The following EXOSC10 variants were observed in gnomAD, a reference collection of about 807,000 sequenced individuals.
The protein encoded by EXOSC10 is exosome component 10.
In EXOSC10, 94 loss-of-function variants were observed where a neutral mutation model predicts 126.6. The ratio of observed to expected loss-of-function variants is 0.74; its 90% CI spans 0.63 to 0.88. EXOSC10 has a LOEUF of 0.88. Ranked by LOEUF, EXOSC10 falls within the 40% of genes least tolerant of loss-of-function variation. The pLI, the probability that EXOSC10 is intolerant of heterozygous loss-of-function variation, is 0.00. For missense variants in EXOSC10, 1,041 were observed against 1,100.5 expected (o/e 0.95, Z 0.77); for synonymous variants, 395 against 400.8 (o/e 0.99, Z 0.17).
Position 11,081,072 on chromosome 1 carries a change from T to TGAGGTGTACCTTGAGGCA in EXOSC10, c.1429_1437+9dup. 1 of 1,613,966 alleles carries TGAGGTGTACCTTGAGGCA rather than the reference T, an allele frequency of 6.2e-7. No individual in the cohort carries two copies. The highest frequency in any genetic ancestry group is 8.5e-7 in the Non-Finnish European group (1 of 1,179,892). On this transcript the variant is annotated intron_variant, in intron 11 of 24. Coordinates refer to ENST00000376936, the MANE Select transcript of EXOSC10 (RefSeq NM_001001998.3). ...GTGTCGCGGTCTGTGTGACTGCGGC[T>TGAGGTGTACCTTGAGGCA]GAGGTGTACCTTGAGGCAGATGTCC...
At chr1:11,093,371 G>C (rs1156583322) in intron 3 of EXOSC10, among the ~76,000 whole-genome samples, 2 of 152,214 alleles carry the variant, frequency 1.3e-5, no homozygotes, top group East Asian at 3.8e-4. Flanking sequence ...AAGCAGACGT[G>C]AAATATCAGC....
chr1:11,091,717 G>T, intron 3 of EXOSC10, 120 bp from the exon 4 acceptor site: 1 of 719,776 alleles, frequency 1.4e-6, no homozygotes, highest in Non-Finnish European at 2.3e-6. Context: ...GGAGTGCAGT[G>T]GCGCAATCTT....
intron 6 of EXOSC10, among the ~76,000 whole-genome samples, chr1:11,089,656 A>G (rs1311442312): frequency 6.6e-6 from 1 of 151,628 alleles, no homozygotes; most frequent in Non-Finnish European, 1.5e-5. Context: ...AAAGAAAGAA[A>G]GAAAACATGG....
At chr1:11,095,709 G>T (rs374159799) in intron 3 of EXOSC10, 49 bp downstream of exon 3, 1 of 1,577,636 alleles carries the variant, frequency 6.3e-7, no homozygotes, top group Non-Finnish European at 8.7e-7. Context: ...GCGAGACTCC[G>T]TCTCAAAAAC....
chr1:11,096,429 G>C (rs957039185), intron 2 of EXOSC10, among the ~76,000 whole-genome samples: 5 of 151,534 alleles, frequency 3.3e-5, no homozygotes, highest in African/African-American at 1.2e-4. Flanking sequence ...GGGATTACAG[G>C]TGTGAGCCAT....
At chr1:11,092,054 T>G (rs145075913) in intron 3 of EXOSC10, among the ~76,000 whole-genome samples, 4 of 152,190 alleles carry the variant, frequency 2.6e-5, no homozygotes, top group South Asian at 4.1e-4. Context: ...TATACATATA[T>G]AAGAACAGAT....
In EXOSC10 at chr1:11,069,607, C is replaced by G; in HGVS notation, c.2440G>C (p.Glu814Gln). Residue 814 changes from glutamate (E) to glutamine (Q), a missense_variant, in exon 22 of 25, where the codon GAG becomes CAG. Glu to Gln is a conservative substitution (Grantham distance 29). Coordinates refer to ENST00000376936, the MANE Select transcript of EXOSC10 (RefSeq NM_001001998.3). ...KPKDPEPPEK[E>Q]FTPYDYSQSD... ...TGGCTGTAGTCGTAAGGCGTAAACT[C>G]TTTTTCTGGTGGCTCTGGGTCCTTT... 1 of 1,614,196 alleles carries G rather than the reference C, an allele frequency of 6.2e-7. No individual in the cohort carries two copies. Among genetic ancestry groups the G allele is most frequent in the Non-Finnish European group, 8.5e-7 (1 of 1,180,040 alleles).
Position 11,087,463 on chromosome 1 carries a change from G to A in EXOSC10, c.1074C>T (p.Asp358=), listed in dbSNP as rs1235858697. The stretch of plus-strand genomic sequence containing the variant: ...GCTGGCTGACCTTAACGATGGCTGG[G>A]TCTGTGAGGCTCTCATTGAGAATGT... The part of the protein sequence containing the change: ...DMYILNESLT[D]PAIVKVFHGA... The change falls in exon 9 of 25, where the codon GAC becomes GAT. Residue 358 remains aspartate (D), a synonymous_variant. Transcript: ENST00000376936. 1.2e-6 allele frequency: 2 copies of A among 1,614,094 alleles called. No homozygotes were observed. Among genetic ancestry groups the A allele is most frequent in the Non-Finnish European group, 1.7e-6 (2 of 1,180,012 alleles).
chr1:11,099,045 A>G (rs1203519297), intron 1 of EXOSC10, among the ~76,000 whole-genome samples: 1 of 152,240 alleles, frequency 6.6e-6, no homozygotes, highest in Non-Finnish European at 1.5e-5. Context: ...CTAACAGCAA[A>G]TTAGATAAGA....
intron 20 of EXOSC10, chr1:11,071,865 AC>A: frequency 2.2e-6 from 1 of 446,348 alleles, no homozygotes. Flanking sequence ...TTCTCCAACC[AC>A]CAACGAGACA....
At position 11,068,049 on chromosome 1, in the gene EXOSC10, C is replaced by A. The variant is rs761613966; in HGVS notation, c.2586G>T (p.Val862=). 80 of 1,614,050 alleles carry A rather than the reference C, an allele frequency of 5.0e-5. No individual in the cohort carries two copies. Among genetic ancestry groups the A allele is most frequent in the Non-Finnish European group, 2.5e-6 (3 of 1,180,038 alleles). Residue 862 remains valine, a synonymous_variant, in exon 24 of 25, where the codon GTG becomes GTT. Coordinates refer to ENST00000376936, the MANE Select transcript of EXOSC10 (RefSeq NM_001001998.3). ...TTGGAAAGGACATGCTTTTGTTTCC[C>A]ACCGACTGTTTAATTTTTTTGGCTG... The part of the protein sequence containing the change: ...CIAAKKIKQS[V]GNKSMSFPTG...
chr1:11,087,035 G>A (rs1007136937), intron 9 of EXOSC10, among the ~76,000 whole-genome samples: 2 of 152,188 alleles, frequency 1.3e-5, no homozygotes, highest in African/African-American at 4.8e-5. Context: ...CCAGGAGCTG[G>A]TTTTTTGAAA....
In EXOSC10 at chr1:11,087,883, A is replaced by G. The variant is rs773160604; in HGVS notation, c.862T>C (p.Cys288Arg). ...QLYRPIEETP[C>R]HFISSLDELV... ...TCATCCAGGGAGGATATGAAATGGC[A>G]TGGTGTCTCTTCTATAGGTCTGTAT... Residue 288 changes from cysteine to arginine, a missense_variant, in exon 8 of 25, where the codon TGC (cysteine) becomes CGC (arginine). By Grantham distance (180) the Cys-to-Arg change is radical (BLOSUM62 -3). Transcript: ENST00000376936. 1.2e-6 allele frequency: 2 copies of G among 1,612,498 alleles called. No homozygotes were observed. Among genetic ancestry groups the G allele is most frequent in the Non-Finnish European group, 1.7e-6 (2 of 1,178,748 alleles).
At chr1:11,067,423 C>G (rs1639163802) in intron 24 of EXOSC10, among the ~76,000 whole-genome samples, 1 of 142,854 alleles carries the variant, frequency 7.0e-6, no homozygotes, top group Non-Finnish European at 1.5e-5. Flanking sequence ...CAGACCGAGA[C>G]TCCATCTCAA....
chr1:11,091,932 C>T (rs558971806), intron 3 of EXOSC10, among the ~76,000 whole-genome samples: 1 of 152,200 alleles, frequency 6.6e-6, no homozygotes, highest in Admixed American at 6.5e-5. Flanking sequence ...TCAAGTGATC[C>T]GCCCACCTGA....
Position 11,077,347 on chromosome 1 carries a change from G to A in EXOSC10, c.1879+18C>T, listed in dbSNP as rs376966222. ...GTCCCAACCTCTTCGGGACAGTCAG[G>A]AGGGCTCTCGACTTTACCACTGGTT... On this transcript the variant is annotated intron_variant, in intron 16 of 24. Coordinates refer to ENST00000376936, the MANE Select transcript of EXOSC10 (RefSeq NM_001001998.3). 41 of 1,604,348 alleles carry A rather than the reference G, an allele frequency of 2.6e-5. No homozygotes were observed. The highest frequency in any genetic ancestry group is 3.1e-5 in the Non-Finnish European group (36 of 1,172,748).
chr1:11,067,258 C>T (rs6655938), intron 24 of EXOSC10, among the ~76,000 whole-genome samples: 91,641 of 151,766 alleles, frequency 0.6, 30,996 homozygotes, highest in East Asian at 0.79. Context: ...GGTGAAACCC[C>T]GTCTCTACTA....
At chr1:11,083,115 A>C (rs950707677) in intron 9 of EXOSC10, among the ~76,000 whole-genome samples, 3 of 152,014 alleles carry the variant, frequency 2.0e-5, no homozygotes, top group African/African-American at 7.2e-5. Flanking sequence ...GCCCAGCTAA[A>C]CTTTGGTATT....
At chr1:11,081,892 G>A (rs1171015339) in intron 10 of EXOSC10, among the ~76,000 whole-genome samples, 1 of 152,078 alleles carries the variant, frequency 6.6e-6, no homozygotes, top group Non-Finnish European at 1.5e-5. Flanking sequence ...AGACCAGTCT[G>A]ACCAACATGG....
Sources: gnomAD v4.1 joint callset for allele counts (sites outside exome capture counted in the v4.1 genomes callset) on GRCh38, gnomAD v4.1.1 for gene constraint, MANE v1.5 for transcripts, NCBI Gene and HGNC (gene_info 2026-07-23, HGNC 2026-07-21) for gene names.